Variants in C1orf105 observed in about 807,000 individuals in gnomAD.
C1orf105 encodes the protein chromosome 1 open reading frame 105.
In C1orf105, 17 loss-of-function variants were observed where a neutral mutation model predicts 20.8. That is an observed-to-expected ratio of 0.82 (90% CI 0.56 to 1.23). The LOEUF (loss-of-function observed/expected upper bound fraction) is 1.23. C1orf105 is among the 50% of genes most tolerant of loss of function. C1orf105 has a pLI of 0.00. For synonymous variants in C1orf105, 72 were observed against 72.1 expected (o/e 1.00, Z 0.01); for missense variants, 219 against 213.5 (o/e 1.03, Z -0.16).
intron 6 of C1orf105, among the ~76,000 whole-genome samples, chr1:172,466,694 C>T (rs912420926): frequency 8.5e-5 from 13 of 152,126 alleles, no homozygotes; most frequent in Non-Finnish European, 1.6e-4. Flanking sequence ...AACAAGATGC[C>T]TTTCATCAAT....
intron 1 of C1orf105, among the ~76,000 whole-genome samples, chr1:172,435,240 C>T (rs2072001093): frequency 6.6e-6 from 1 of 152,186 alleles, no homozygotes; most frequent in African/African-American, 2.4e-5. Context: ...CTCCCTAACT[C>T]ATTTTATGAG....
intron 3 of C1orf105, among the ~76,000 whole-genome samples, chr1:172,452,474 C>G (rs1349071192): frequency 6.6e-6 from 1 of 152,054 alleles, no homozygotes; most frequent in African/African-American, 2.4e-5. Flanking sequence ...CAAGCTGGTG[C>G]TTACATTTTT....
At chr1:172,429,139 C>T (rs2071797193) in intron 1 of C1orf105, among the ~76,000 whole-genome samples, 1 of 152,170 alleles carries the variant, frequency 6.6e-6, no homozygotes, top group South Asian at 2.1e-4. Context: ...TTAGGCAATA[C>T]TTAACCCACT....
In C1orf105 at chr1:172,456,559, C is replaced by T. The variant is rs933036876; in HGVS notation, c.273+70C>T. 2.9e-5 allele frequency: 43 copies of T among 1,471,412 alleles called. 1 individual carries two copies. Among genetic ancestry groups the T allele is most frequent in the Admixed American group, 8.4e-5 (5 of 59,306 alleles). 91.1% of individuals were successfully genotyped at this position (1,471,412 alleles called of 1,614,324 possible). On this transcript the variant is annotated intron_variant, in intron 4 of 6. Coordinates refer to ENST00000367727, the MANE Select transcript of C1orf105 (RefSeq NM_139240.4). ...GCAGCACTGCCCTTCCCAGCCAAGCCCTGTGGGGAGAGATAGTGACGGGGC... is the reference window on the plus strand; with the variant it reads ...GCAGCACTGCCCTTCCCAGCCAAGCTCTGTGGGGAGAGATAGTGACGGGGC...
intron 5 of C1orf105, among the ~76,000 whole-genome samples, 154 bp from the exon 6 acceptor site, chr1:172,465,145 T>G (rs1383685598): frequency 6.6e-6 from 1 of 152,030 alleles, no homozygotes; most frequent in African/African-American, 2.4e-5. Flanking sequence ...ATCGCACCAC[T>G]GCACTCCAGC....
chr1:172,448,640 A>G, intron 3 of C1orf105, 109 bp downstream of exon 3: 1 of 661,332 alleles, frequency 1.5e-6, no homozygotes, highest in Non-Finnish European at 2.7e-6. Flanking sequence ...GTACACCATC[A>G]ATGTTCAATA....
chr1:172,442,168 A>AT (rs1340759554), intron 1 of C1orf105: 1 of 1,614,190 alleles, frequency 6.2e-7, no homozygotes, highest in Admixed American at 1.7e-5. Flanking sequence ...GAAGACTGAC[A>AT]TGGCATAGAT....
At chr1:172,426,320 C>T (rs369277621) in intron 1 of C1orf105, among the ~76,000 whole-genome samples, 8 of 152,168 alleles carry the variant, frequency 5.3e-5, no homozygotes, top group Non-Finnish European at 8.8e-5. Flanking sequence ...CTTTCCTCCT[C>T]GCTAAAACCC....
Position 172,444,761 on chromosome 1 carries a change from G to A in C1orf105, c.22-312G>A, listed in dbSNP as rs1409553982. Among the ~76,000 whole-genome samples the A allele has an allele frequency of 2.6e-5, 4 of 152,220 alleles. No individual in the cohort carries two copies. The East Asian group carries it at 5.8e-4, about 22-fold the overall frequency. ...AATATTAAAGGATATATAAACAGAA[G>A]GAAGTAATAAAGAAACAAAGGGATG... On this transcript the variant is annotated intron_variant, in intron 1 of 6. Coordinates refer to ENST00000367727, the MANE Select transcript of C1orf105 (RefSeq NM_139240.4).
intron 1 of C1orf105, chr1:172,428,894 A>G: frequency 1.5e-6 from 1 of 669,592 alleles, no homozygotes; most frequent in South Asian, 1.6e-5. Flanking sequence ...AAAAATCTGA[A>G]TGGTAGAAGG....
At chr1:172,459,540 G>A (rs572391317) in intron 4 of C1orf105, among the ~76,000 whole-genome samples, 52 of 151,970 alleles carry the variant, frequency 3.4e-4, no homozygotes, top group Non-Finnish European at 6.9e-4. Context: ...ATAATAAAAC[G>A]GTGGATAATA....
Position 172,444,040 on chromosome 1 carries a change from C to G in C1orf105, c.22-1033C>G, listed in dbSNP as rs1394863568. On this transcript the variant is annotated intron_variant, in intron 1 of 6. Transcript: ENST00000367727. The stretch of plus-strand genomic sequence containing the variant: ...GGGGACGGCGGCACCCAGCCTTTTT[C>G]CCGCTTCGGGGCGCCGGGGCTGCGA... 4 of 999,856 alleles carry G rather than the reference C, an allele frequency of 4.0e-6. No homozygotes were observed. In the African/African-American group the frequency reaches 7.0e-5, roughly 17 times the overall value. The allele number at this position is 999,856 out of a possible 1,614,324, so 61.9% of individuals were successfully genotyped here. A position where few individuals can be genotyped will look rare whatever the true frequency, so the allele number is the denominator to read the frequency against.
intron 2 of C1orf105, among the ~76,000 whole-genome samples, chr1:172,447,309 C>A (rs1429854096): frequency 6.6e-6 from 1 of 152,174 alleles, no homozygotes; most frequent in African/African-American, 2.4e-5. Context: ...TGGAAACACA[C>A]CTACAGGGTT....
intron 1 of C1orf105, among the ~76,000 whole-genome samples, chr1:172,431,581 T>C (rs1307618885): frequency 6.6e-6 from 1 of 152,226 alleles, no homozygotes; most frequent in Non-Finnish European, 1.5e-5. Flanking sequence ...CTGCAAGTTA[T>C]CCAGAAGATC....
chr1:172,422,124 C>G (rs1248630036), intron 1 of C1orf105, among the ~76,000 whole-genome samples: 1 of 151,492 alleles, frequency 6.6e-6, no homozygotes, highest in Non-Finnish European at 1.5e-5. Context: ...GACTGGGGAG[C>G]GCACGATCTA....
At chr1:172,437,095 C>T (rs1350412501) in intron 1 of C1orf105, among the ~76,000 whole-genome samples, 1 of 152,116 alleles carries the variant, frequency 6.6e-6, no homozygotes, top group Non-Finnish European at 1.5e-5. Context: ...ACAACAGATG[C>T]TGGAGAGGAT....
At chr1:172,437,723 TA>T (rs2072085191) in intron 1 of C1orf105, among the ~76,000 whole-genome samples, 2 of 108,310 alleles carry the variant, frequency 1.8e-5, no homozygotes, top group South Asian at 7.6e-4. Context: ...CCCTAGAACT[TA>T]AAGTATAATA....
chr1:172,444,516 T>G (rs1647751048), intron 1 of C1orf105, among the ~76,000 whole-genome samples: 1 of 152,208 alleles, frequency 6.6e-6, no homozygotes, highest in Non-Finnish European at 1.5e-5. Flanking sequence ...GAAACTCTCT[T>G]TTTTGGTGCA....
intron 1 of C1orf105, among the ~76,000 whole-genome samples, chr1:172,438,798 A>C (rs2072123931): frequency 6.6e-6 from 1 of 152,152 alleles, no homozygotes; most frequent in Non-Finnish European, 1.5e-5. Flanking sequence ...AAACTTCATT[A>C]TTGTCTTATT....
Sources: allele counts gnomAD v4.1 joint callset (sites outside exome capture counted in the v4.1 genomes callset), GRCh38; gene constraint gnomAD v4.1.1; transcripts MANE v1.5; gene names NCBI Gene and HGNC (gene_info 2026-07-23, HGNC 2026-07-21).